Variants in FAM193A observed in about 807,000 individuals in gnomAD.
The protein encoded by FAM193A is family with sequence similarity 193 member A.
FAM193A carries 22 observed loss-of-function variants against 126.5 expected under a neutral mutation model. The ratio of observed to expected loss-of-function variants is 0.17; its 90% CI spans 0.12 to 0.25. FAM193A has a LOEUF of 0.25. Among genes scored for constraint, FAM193A ranks in the 10% least tolerant of loss-of-function variants. The pLI is 1.00. For synonymous variants in FAM193A, 761 were observed against 646.8 expected (o/e 1.18, Z -2.68); for missense variants, 1,675 against 1,672.8 (o/e 1.00, Z -0.02).
chr4:2,568,412 C>G (rs1739094182), intron 1 of FAM193A, among the ~76,000 whole-genome samples: 2 of 152,144 alleles, frequency 1.3e-5, no homozygotes, highest in South Asian at 4.1e-4. Flanking sequence ...ACCAGCTGCT[C>G]AGGAGGCTGA....
rs941095459 is a variant in FAM193A at position 2,561,776 on chromosome 4, C to T, written c.255+24606C>T. Among the ~76,000 whole-genome samples, 5 of 152,100 alleles carry T rather than the reference C, an allele frequency of 3.3e-5. No individual in the cohort carries two copies. In the South Asian group the frequency reaches 6.2e-4, roughly 19 times the overall value. On this transcript the variant is annotated intron_variant, in intron 1 of 20. Coordinates refer to ENST00000637812, the MANE Select transcript of FAM193A (RefSeq NM_001366318.2). The stretch of plus-strand genomic sequence containing the variant: ...CCTCCCAAAGTGCTGGGATTACAGG[C>T]GTGAGCCACCGTACCCGGCTGAGAT...
intron 2 of FAM193A, among the ~76,000 whole-genome samples, chr4:2,612,096 A>C (rs1314877567): frequency 6.6e-6 from 1 of 151,486 alleles, no homozygotes; most frequent in Non-Finnish European, 1.5e-5. Context: ...TCGGCCTCCC[A>C]AAGTGCTGGG....
upstream of FAM193A, among the ~76,000 whole-genome samples, chr4:2,536,295 C>T (rs1736867772): frequency 6.6e-6 from 1 of 151,618 alleles, no homozygotes; most frequent in South Asian, 2.1e-4. Context: ...CCACAACGCC[C>T]AGAAGGCCGC....
chr4:2,731,283 G>A (rs1301971615), intron 20 of FAM193A, among the ~76,000 whole-genome samples: 3 of 149,966 alleles, frequency 2.0e-5, no homozygotes, highest in Non-Finnish European at 3.0e-5. Context: ...GCAGAGAATT[G>A]CTTGAACCTT....
At chr4:2,693,962 A>C in intron 16 of FAM193A, 88 bp downstream of exon 16, 2 of 1,369,468 alleles carry the variant, frequency 1.5e-6, no homozygotes, top group South Asian at 2.6e-5. Flanking sequence ...CTCCCCTGGG[A>C]CCATGCAGTG....
intron 1 of FAM193A, among the ~76,000 whole-genome samples, chr4:2,540,534 G>T (rs1482064105): frequency 6.6e-6 from 1 of 151,778 alleles, no homozygotes; most frequent in Non-Finnish European, 1.5e-5. Context: ...TGTAGTCCCA[G>T]CTACTCCGGA....
intron 2 of FAM193A, among the ~76,000 whole-genome samples, chr4:2,624,555 G>A (rs1329983981): frequency 2.0e-5 from 3 of 152,224 alleles, no homozygotes; most frequent in Non-Finnish European, 4.4e-5. Flanking sequence ...GGCTCAGAGA[G>A]GCCACTAGGT....
In FAM193A at chr4:2,663,281, C is replaced by G. The variant is rs1712705116; in HGVS notation, c.2072C>G (p.Thr691Arg). 6.3e-7 allele frequency: 1 copy of G among 1,580,300 alleles called. No homozygotes were observed. Among genetic ancestry groups the G allele is most frequent in the Non-Finnish European group, 8.6e-7 (1 of 1,166,450 alleles). The change falls in exon 12 of 21, where the codon ACA becomes AGA. Residue 691 changes from threonine to arginine, a missense_variant. Coordinates refer to ENST00000637812, the MANE Select transcript of FAM193A (RefSeq NM_001366318.2). ...KADSPPPSYP[T>R]QQAEQAPNTC... The stretch of plus-strand genomic sequence containing the variant: ...GACAGTCCACCCCCATCCTACCCAA[C>G]ACAGCAGGTAGGACTTTGCTTGCTG...
chr4:2,624,289 C>T (rs1048996121), intron 2 of FAM193A, among the ~76,000 whole-genome samples: 7 of 152,034 alleles, frequency 4.6e-5, no homozygotes, highest in East Asian at 1.9e-4. Flanking sequence ...AGATTACAGG[C>T]GTGCCCCACC....
intron 1 of FAM193A, among the ~76,000 whole-genome samples, chr4:2,542,018 T>C (rs1737264518): frequency 7.1e-6 from 1 of 141,488 alleles, no homozygotes; most frequent in African/African-American, 2.6e-5. Context: ...ACCTGGCAAA[T>C]TTTTTTTTTT....
chr4:2,655,110 C>T (rs1441995630), intron 7 of FAM193A: 1 of 700,532 alleles, frequency 1.4e-6, no homozygotes, highest in South Asian at 1.5e-5. Flanking sequence ...CTTGTCCAGT[C>T]CTGGCTTCGA....
intron 20 of FAM193A, among the ~76,000 whole-genome samples, chr4:2,721,129 C>T (rs538073031): frequency 4.9e-4 from 74 of 152,064 alleles, no homozygotes; most frequent in Middle Eastern, 3.4e-3. Flanking sequence ...CTGGCTAACA[C>T]GGTGAAACCC....
At chr4:2,663,402 G>C in intron 12 of FAM193A, 114 bp downstream of exon 12, 1 of 791,590 alleles carries the variant, frequency 1.3e-6, no homozygotes, top group Non-Finnish European at 1.9e-6. Flanking sequence ...CTGAAGGTTA[G>C]AACTGAAGAG....
At chr4:2,672,042 C>T in intron 12 of FAM193A, 79 bp from the exon 13 acceptor site, 1 of 1,501,284 alleles carries the variant, frequency 6.7e-7, no homozygotes, top group Non-Finnish European at 9.2e-7. Flanking sequence ...TTTGTAACTA[C>T]TTGGCAGAAT....
At chr4:2,662,751 C>A in intron 10 of FAM193A, 87 bp from the exon 11 acceptor site, 1 of 1,029,584 alleles carries the variant, frequency 9.7e-7, no homozygotes, top group Non-Finnish European at 1.5e-6. Flanking sequence ...CGTGATCTGT[C>A]CAGGAAATAT....
At chr4:2,584,168 T>C (rs143682144) in intron 1 of FAM193A, among the ~76,000 whole-genome samples, 1 of 152,270 alleles carries the variant, frequency 6.6e-6, no homozygotes, top group East Asian at 1.9e-4. Context: ...TGTCCCCCAC[T>C]CCATATTCAT....
At chr4:2,580,578 T>C (rs1560457954) in intron 1 of FAM193A, among the ~76,000 whole-genome samples, 2 of 152,200 alleles carry the variant, frequency 1.3e-5, no homozygotes, top group Non-Finnish European at 2.9e-5. Flanking sequence ...AATGACTTCA[T>C]GAATGTCCTC....
At position 2,696,481 on chromosome 4, in the gene FAM193A, GC is replaced by G; in HGVS notation, c.3396del (p.Ser1132ArgfsTer15). The G allele has an allele frequency of 6.2e-7, 1 of 1,614,256 alleles. No homozygotes were observed. The highest frequency in any genetic ancestry group is 1.7e-5 in the Admixed American group (1 of 60,030). On this transcript the variant is annotated frameshift_variant, in exon 18 of 21. Transcript: ENST00000637812. LOFTEE classifies it high-confidence loss of function. ...KKMDQISERESVVDHRRVEDL... is the reference protein window; with the variant it reads ...KKMDQISEREXVVDHRRVEDL... ...ATGGACCAGATCTCAGAAAGGGAAA[GC>G]GTCGTTGACCATCGGAGGGTGGAGG...
intron 1 of FAM193A, among the ~76,000 whole-genome samples, chr4:2,585,382 C>G (rs1166897803): frequency 1.3e-5 from 2 of 152,092 alleles, no homozygotes; most frequent in Non-Finnish European, 2.9e-5. Context: ...TTTGGCTGAG[C>G]GTGGGTTTTG....
Sources: gnomAD v4.1 joint callset for allele counts (sites outside exome capture counted in the v4.1 genomes callset) on GRCh38, gnomAD v4.1.1 for gene constraint, MANE v1.5 for transcripts, NCBI Gene and HGNC (gene_info 2026-07-23, HGNC 2026-07-21) for gene names.